Variants in KREMEN1 observed in about 807,000 individuals in gnomAD.
KREMEN1 encodes the protein kringle containing transmembrane protein 1.
A neutral mutation model predicts 46.5 loss-of-function variants in KREMEN1; 30 were observed. The ratio of observed to expected loss-of-function variants is 0.65; its 90% CI spans 0.48 to 0.88. The LOEUF (loss-of-function observed/expected upper bound fraction) is 0.88. Ranked by LOEUF, KREMEN1 falls within the 40% of genes least tolerant of loss-of-function variation. The pLI, the probability that KREMEN1 is intolerant of heterozygous loss-of-function variation, is 0.00. For missense variants in KREMEN1, 533 were observed against 596.9 expected (o/e 0.89, Z 1.11); for synonymous variants, 214 against 230.6 (o/e 0.93, Z 0.65).
chr22:29,104,349 G>T (rs1751525782), intron 3 of KREMEN1, among the ~76,000 whole-genome samples: 1 of 151,934 alleles, frequency 6.6e-6, no homozygotes, highest in South Asian at 2.1e-4. Context: ...TAGAGACAGG[G>T]TTTTGCCATG....
At chr22:29,134,645 T>A (rs1235792528) in intron 5 of KREMEN1, among the ~76,000 whole-genome samples, 1 of 152,206 alleles carries the variant, frequency 6.6e-6, no homozygotes, top group African/African-American at 2.4e-5. Context: ...CACTAGGGGC[T>A]GAGATAGTGT....
intron 3 of KREMEN1, among the ~76,000 whole-genome samples, chr22:29,108,403 G>C (rs1294321234): frequency 2.0e-5 from 3 of 152,210 alleles, no homozygotes; most frequent in Non-Finnish European, 4.4e-5. Context: ...GTCACACCCA[G>C]TTAGGTTTGA....
intron 1 of KREMEN1, among the ~76,000 whole-genome samples, chr22:29,091,889 C>T (rs1223632901): frequency 6.6e-6 from 1 of 152,134 alleles, no homozygotes; most frequent in East Asian, 1.9e-4. Flanking sequence ...AGGGGAAGAA[C>T]ATTTTGGGCA....
rs959773343 is a variant in KREMEN1 at position 29,077,899 on chromosome 22, AT to A, written c.97+4681del. Among the ~76,000 whole-genome samples, 23 of 152,280 alleles carry A rather than the reference AT, an allele frequency of 1.5e-4. No homozygotes were observed. The South Asian group carries it at 2.1e-3, about 14-fold the overall frequency. Reference sequence around the variant, plus strand: ...CATTTTATGTTAATATTTTACTACAATTTTTTTTTAAAAAGATACGTATGGG... The same window carrying A: ...CATTTTATGTTAATATTTTACTACAATTTTTTTTAAAAAGATACGTATGGG... On this transcript the variant is annotated intron_variant, in intron 1 of 8. Transcript: ENST00000400335.
intron 7 of KREMEN1, 200 bp downstream of exon 7, chr22:29,138,982 G>T (rs2038715772): frequency 1.4e-6 from 1 of 728,770 alleles, no homozygotes; most frequent in African/African-American, 1.8e-5. Flanking sequence ...TGAGGGAAAA[G>T]TGCTCACCTC....
downstream of KREMEN1, among the ~76,000 whole-genome samples, chr22:29,149,224 G>A (rs190003347): frequency 2.0e-5 from 3 of 151,792 alleles, no homozygotes; most frequent in East Asian, 1.9e-4. Flanking sequence ...GTGCAGTGGC[G>A]CTATTTCAGC....
At chr22:29,151,043 C>T (rs1015234533), downstream of KREMEN1, among the ~76,000 whole-genome samples, 1 of 152,128 alleles carries the variant, frequency 6.6e-6, no homozygotes, top group Non-Finnish European at 1.5e-5. Context: ...CTCCGGAAAG[C>T]CCAGGGAAAG....
At chr22:29,166,774 CA>C (rs1243235218) in intron 9 of KREMEN1, among the ~76,000 whole-genome samples, 3 of 150,786 alleles carry the variant, frequency 2.0e-5, no homozygotes, top group African/African-American at 2.4e-5. Flanking sequence ...CCCCATCTTT[CA>C]AAAAAAAATT....
intron 5 of KREMEN1, among the ~76,000 whole-genome samples, chr22:29,126,074 C>T (rs1419903066): frequency 2.0e-5 from 3 of 149,854 alleles, no homozygotes; most frequent in Non-Finnish European, 3.0e-5. Context: ...ATGATAATTA[C>T]AGCGCTGTGC....
rs759398737 is a variant in KREMEN1, at chr22:29,138,714, C to T, written c.1055C>T (p.Ala352Val). The change falls in exon 7 of 9, where the codon GCT (alanine) becomes GTT (valine). Residue 352 changes from alanine (A) to valine (V), a missense_variant. Physicochemically the swap from Ala to Val is moderately conservative, Grantham distance 64. Transcript: ENST00000400335. ...ITEQANLSVS[A>V]ARSSKVLYVI... ...GAGCAGGCCAACCTCAGTGTCAGCG[C>T]TGCCCGGTCCTCCAAAGTCCTCTAT... 6.2e-7 allele frequency: 1 copy of T among 1,614,222 alleles called. No homozygotes were observed. The highest frequency in any genetic ancestry group is 1.7e-5 in the Admixed American group (1 of 60,016).
Position 29,111,310 on chromosome 22 carries a change from T to TA in KREMEN1, c.353-10030dup, listed in dbSNP as rs750795996. On this transcript the variant is annotated intron_variant, in intron 3 of 8. Transcript: ENST00000400335. ...CAACAGAGTGAGACCCTGTCTCTATTAAAAAAAAAAAAAAAAATTAGGCCG... is the reference window on the plus strand; with the variant it reads ...CAACAGAGTGAGACCCTGTCTCTATTAAAAAAAAAAAAAAAAAATTAGGCCG... Among the ~76,000 whole-genome samples, 580 of 117,576 alleles carry TA rather than the reference T, an allele frequency of 4.9e-3. 6 individuals carry two copies. Among genetic ancestry groups the TA allele is most frequent in the Admixed American group, 0.023 (265 of 11,382 alleles). The allele number at this position is 117,576 out of a possible 152,430, so 77.1% of individuals were successfully genotyped here. A position where few individuals can be genotyped will look rare whatever the true frequency, so the allele number is the denominator to read the frequency against.
At chr22:29,108,767 C>T (rs571988478) in intron 3 of KREMEN1, among the ~76,000 whole-genome samples, 1 of 152,296 alleles carries the variant, frequency 6.6e-6, no homozygotes, top group Admixed American at 6.5e-5. Context: ...GCACTGAACT[C>T]GGTGAACACA....
At chr22:29,126,203 G>A (rs1262241278) in intron 5 of KREMEN1, among the ~76,000 whole-genome samples, 7 of 151,940 alleles carry the variant, frequency 4.6e-5, no homozygotes, top group Non-Finnish European at 1.5e-5. Flanking sequence ...TGCGCTACTG[G>A]CATCTCAACC....
intron 1 of KREMEN1, among the ~76,000 whole-genome samples, chr22:29,087,853 C>A (rs1402453321): frequency 6.6e-6 from 1 of 152,184 alleles, no homozygotes; most frequent in Non-Finnish European, 1.5e-5. Context: ...GCATGAGCCA[C>A]CACGCCCAGC....
At chr22:29,110,564 T>G (rs948117462) in intron 3 of KREMEN1, among the ~76,000 whole-genome samples, 5 of 152,166 alleles carry the variant, frequency 3.3e-5, no homozygotes, top group Non-Finnish European at 7.4e-5. Flanking sequence ...CCTGGCCTTA[T>G]GGGATCAGGA....
intron 1 of KREMEN1, among the ~76,000 whole-genome samples, 176 bp from the exon 2 acceptor site, chr22:29,094,082 G>GCCCCAGAA (rs2037841094): frequency 6.6e-6 from 1 of 152,140 alleles, no homozygotes; most frequent in Non-Finnish European, 1.5e-5. Context: ...GCTTTTTGAG[G>GCCCCAGAA]GTACCTTGTT....
intron 9 of KREMEN1, among the ~76,000 whole-genome samples, chr22:29,153,932 A>C (rs1017972047): frequency 6.6e-6 from 1 of 150,596 alleles, no homozygotes; most frequent in Non-Finnish European, 1.5e-5. Flanking sequence ...AGATCTAGTC[A>C]CTGCACTCCA....
chr22:29,117,375 G>A (rs2038258151), intron 3 of KREMEN1, among the ~76,000 whole-genome samples: 1 of 152,126 alleles, frequency 6.6e-6, no homozygotes, highest in Non-Finnish European at 1.5e-5. Flanking sequence ...AGACCATCCT[G>A]GCTAACATGG....
intron 9 of KREMEN1, among the ~76,000 whole-genome samples, chr22:29,159,118 C>A (rs1430600523): frequency 7.2e-6 from 1 of 139,236 alleles, no homozygotes; most frequent in Non-Finnish European, 1.5e-5. Flanking sequence ...CGGTGCCCAG[C>A]CAAGTGTTTT....
Sources: allele counts gnomAD v4.1 joint callset (sites outside exome capture counted in the v4.1 genomes callset), GRCh38; gene constraint gnomAD v4.1.1; transcripts MANE v1.5; gene names NCBI Gene and HGNC (gene_info 2026-07-23, HGNC 2026-07-21).